Variants in RANBP2 observed in about 807,000 individuals in gnomAD.
RANBP2 encodes RAN binding protein 2.
In RANBP2, 57 loss-of-function variants were observed where a neutral mutation model predicts 303.6. That is an observed-to-expected ratio of 0.19 (90% CI 0.15 to 0.23). The LOEUF is 0.23. Ranked by LOEUF, RANBP2 falls within the 10% of genes least tolerant of loss-of-function variation. RANBP2 has a pLI of 1.00. For synonymous variants in RANBP2, 1,167 were observed against 1,301.5 expected, an observed-to-expected ratio of 0.90 and a Z score of 2.23; for missense variants, 3,138 against 3,780.8, an observed-to-expected ratio of 0.83 and a Z score of 4.46.
At chr2:108,898,307 G>A in the RANBP2 span, among the ~76,000 whole-genome samples, 20 of 152,192 alleles carry the variant, frequency 1.3e-4, no homozygotes, top group East Asian at 2.9e-3. Flanking sequence ...CTCTGCCCCC[G>A]TGGTGACCAT....
chr2:108,998,120 C>T, the RANBP2 span, among the ~76,000 whole-genome samples: 1 of 152,186 alleles, frequency 6.6e-6, no homozygotes, highest in Admixed American at 6.5e-5. Flanking sequence ...CCTAGGTCAC[C>T]AGGGACCTCC....
chr2:109,718,874 G>T, the RANBP2 span, among the ~76,000 whole-genome samples: 1 of 151,496 alleles, frequency 6.6e-6, no homozygotes, highest in African/African-American at 2.4e-5. Context: ...GCTTGGCATG[G>T]TGGCACATGC....
At chr2:109,657,896 T>A in the RANBP2 span, among the ~76,000 whole-genome samples, 1 of 151,622 alleles carries the variant, frequency 6.6e-6, no homozygotes, top group African/African-American at 2.4e-5. Context: ...ATTTTTGTAT[T>A]TTTAGTGGAG....
the RANBP2 span, among the ~76,000 whole-genome samples, chr2:109,304,098 T>C: frequency 3.4e-5 from 5 of 146,456 alleles, no homozygotes; most frequent in African/African-American, 1.3e-4. Context: ...CAAAACTCCA[T>C]CTCAAAAAAA....
At chr2:109,332,441 C>T in the RANBP2 span, among the ~76,000 whole-genome samples, 3 of 152,188 alleles carry the variant, frequency 2.0e-5, no homozygotes, top group East Asian at 1.9e-4. Flanking sequence ...TCTTCCTGGA[C>T]GGGCTTGGGG....
the RANBP2 span, among the ~76,000 whole-genome samples, chr2:108,799,258 A>G: frequency 6.6e-6 from 1 of 152,218 alleles, no homozygotes; most frequent in Admixed American, 6.5e-5. Flanking sequence ...TGGCAAGGAT[A>G]TTGTATAGGT....
the RANBP2 span, among the ~76,000 whole-genome samples, chr2:109,368,306 TTTG>T: frequency 6.6e-6 from 1 of 152,344 alleles, no homozygotes; most frequent in East Asian, 1.9e-4. Context: ...TAGCCAAATC[TTTG>T]TTATCATACC....
the RANBP2 span, among the ~76,000 whole-genome samples, chr2:109,717,876 T>G: frequency 6.6e-6 from 1 of 152,162 alleles, no homozygotes; most frequent in African/African-American, 2.4e-5. Context: ...ATCACACCAT[T>G]GCACTCCAGC....
chr2:109,625,036 G>T, the RANBP2 span, among the ~76,000 whole-genome samples: 2 of 141,842 alleles, frequency 1.4e-5, no homozygotes, highest in African/African-American at 2.7e-5. Flanking sequence ...AGTGGAGATG[G>T]CACCACTGCA....
At chr2:109,582,977 G>A in the RANBP2 span, among the ~76,000 whole-genome samples, 2 of 152,204 alleles carry the variant, frequency 1.3e-5, no homozygotes. Flanking sequence ...CTAGCCATAT[G>A]CAGAAGAATG....
At chr2:109,048,833 T>C in the RANBP2 span, among the ~76,000 whole-genome samples, 2 of 152,176 alleles carry the variant, frequency 1.3e-5, no homozygotes, top group Admixed American at 6.5e-5. Flanking sequence ...ATAAATTATA[T>C]ACTTCTGTAT....
the RANBP2 span, among the ~76,000 whole-genome samples, chr2:109,063,447 C>A: frequency 3.3e-4 from 50 of 152,324 alleles, no homozygotes; most frequent in East Asian, 9.5e-3. Flanking sequence ...AGCAGGCATG[C>A]AGCTTCAGAA....
the RANBP2 span, among the ~76,000 whole-genome samples, chr2:108,853,699 T>C: frequency 6.7e-6 from 1 of 149,450 alleles, no homozygotes; most frequent in Admixed American, 6.8e-5. Flanking sequence ...TCTAATTTTT[T>C]ATTTTTTGTA....
At chr2:109,129,494 C>A in the RANBP2 span, 2 of 1,494,808 alleles carry the variant, frequency 1.3e-6, no homozygotes, top group Admixed American at 2.1e-5. Context: ...TCCACGCCGG[C>A]CCCGGGACCT....
the RANBP2 span, among the ~76,000 whole-genome samples, chr2:108,836,885 A>G: frequency 6.6e-6 from 1 of 151,106 alleles, no homozygotes; most frequent in Non-Finnish European, 1.5e-5. Context: ...GTGTATGGAA[A>G]CACAAGTGAT....
chr2:109,664,857 G>A, the RANBP2 span, among the ~76,000 whole-genome samples: 3 of 151,712 alleles, frequency 2.0e-5, no homozygotes, highest in African/African-American at 7.3e-5. Context: ...TTGAACCTGG[G>A]AGGTAGAGGT....
At chr2:109,686,322 T>C in the RANBP2 span, among the ~76,000 whole-genome samples, 5 of 152,182 alleles carry the variant, frequency 3.3e-5, no homozygotes, top group Non-Finnish European at 5.9e-5. Flanking sequence ...TTTAGTACTT[T>C]TTTTTTCTTT....
chr2:109,384,168 C>T, the RANBP2 span, among the ~76,000 whole-genome samples: 9 of 152,186 alleles, frequency 5.9e-5, no homozygotes, highest in African/African-American at 1.7e-4. Flanking sequence ...TGGGGTCCCA[C>T]GTTCATCCAG....
At chr2:109,664,064 A>G in the RANBP2 span, among the ~76,000 whole-genome samples, 7 of 152,166 alleles carry the variant, frequency 4.6e-5, no homozygotes, top group Non-Finnish European at 7.3e-5. Context: ...GATCACTCCT[A>G]TGTAAAGCAG....
Sources: allele counts gnomAD v4.1 joint callset (sites outside exome capture counted in the v4.1 genomes callset), GRCh38; gene constraint gnomAD v4.1.1; transcripts MANE v1.5; gene names NCBI Gene and HGNC (gene_info 2026-07-23, HGNC 2026-07-21).